Variants in PCDH15 observed in about 807,000 individuals in gnomAD.
PCDH15 encodes the protein protocadherin-15.
A neutral mutation model predicts 178.5 loss-of-function variants in PCDH15; 129 were observed. That is an observed-to-expected ratio of 0.72 (90% CI 0.63 to 0.84). PCDH15 has a LOEUF of 0.84. Among genes scored for constraint, PCDH15 ranks in the 40% least tolerant of loss-of-function variants. The pLI is 0.00. For missense variants in PCDH15, 2,230 were observed against 2,099.9 expected (o/e 1.06, Z -1.21); for synonymous variants, 800 against 732.0 (o/e 1.09, Z -1.50).
intron 8 of PCDH15, among the ~76,000 whole-genome samples, chr10:54,296,237 C>A (rs1005759579): frequency 6.6e-6 from 1 of 151,260 alleles, no homozygotes; most frequent in Non-Finnish European, 1.5e-5. Context: ...TCTCTTACAA[C>A]CCCTGACTCT....
chr10:54,005,052 T>C (rs2092335910), intron 20 of PCDH15, among the ~76,000 whole-genome samples: 1 of 151,760 alleles, frequency 6.6e-6, no homozygotes, highest in South Asian at 2.1e-4. Context: ...GTGCCAGGAA[T>C]GTAACCAGGG....
intron 26 of PCDH15, among the ~76,000 whole-genome samples, chr10:53,889,659 A>G (rs186959541): frequency 1.1e-4 from 17 of 152,266 alleles, no homozygotes; most frequent in African/African-American, 3.4e-4. Flanking sequence ...ATTAAGTCTG[A>G]ACTTATGAAT....
At chr10:55,541,208 T>A (rs1246283748) in intron 2 of PCDH15, among the ~76,000 whole-genome samples, 1 of 152,022 alleles carries the variant, frequency 6.6e-6, no homozygotes, top group Non-Finnish European at 1.5e-5. Flanking sequence ...TTTGAATCAT[T>A]CTTCATGGAA....
intron 17 of PCDH15, among the ~76,000 whole-genome samples, chr10:54,070,781 G>T (rs2094226267): frequency 1.3e-5 from 2 of 151,814 alleles, no homozygotes; most frequent in South Asian, 4.1e-4. Flanking sequence ...TTTTATTTTT[G>T]TAGAGACAGA....
intron 1 of PCDH15, among the ~76,000 whole-genome samples, chr10:54,731,545 G>GATATATATATAT (rs1167781763): frequency 2.5e-5 from 2 of 80,256 alleles, no homozygotes; most frequent in African/African-American, 4.7e-5. Flanking sequence ...ATGTGAGATA[G>GATATATATATAT]ATATATATAT....
intron 2 of PCDH15, among the ~76,000 whole-genome samples, chr10:54,935,699 C>T (rs1246380080): frequency 6.6e-6 from 1 of 151,968 alleles, no homozygotes; most frequent in Admixed American, 6.6e-5. Flanking sequence ...TCCTTCGTAT[C>T]CCCTTCATAC....
rs78793621 is a variant in PCDH15 at position 54,746,985 on chromosome 10, G to T, written c.-29+53940C>A. 7.6e-3 allele frequency among the ~76,000 whole-genome samples: 1,150 copies of T among 152,172 alleles called. 11 individuals are homozygous for T. The highest frequency in any genetic ancestry group is 0.026 in the African/African-American group (1,067 of 41,510). On this transcript the variant is annotated intron_variant, in intron 1 of 37. Coordinates refer to ENST00000644397, the MANE Select transcript of PCDH15 (RefSeq NM_001384140.1). ...ACTTACAATATTTTCAACTTACAAT[G>T]GTTTTATAAGGTGTAACACCACTGT... is the stretch of plus-strand genomic sequence containing the variant.
chr10:55,290,375 A>C (rs1842978512), intron 1 of PCDH15, among the ~76,000 whole-genome samples: 1 of 152,124 alleles, frequency 6.6e-6, no homozygotes, highest in African/African-American at 2.4e-5. Context: ...TGCTATTGAC[A>C]ATAAAGGTAT....
At chr10:54,917,195 G>A (rs2131840307) in intron 2 of PCDH15, among the ~76,000 whole-genome samples, 1 of 152,196 alleles carries the variant, frequency 6.6e-6, no homozygotes, top group Admixed American at 6.5e-5. Context: ...AGATTTGTGT[G>A]GTGGGTAATA....
intron 2 of PCDH15, among the ~76,000 whole-genome samples, chr10:54,558,170 C>A (rs142206774): frequency 6.6e-6 from 1 of 152,062 alleles, no homozygotes; most frequent in Non-Finnish European, 1.5e-5. Context: ...TATTATTTAT[C>A]CTCCAGCTTA....
chr10:55,350,266 T>TAC (rs1478918888), intron 2 of PCDH15, among the ~76,000 whole-genome samples: 8 of 58,990 alleles, frequency 1.4e-4, no homozygotes, highest in South Asian at 1.1e-3. Flanking sequence ...TATATATATA[T>TAC]ATACACACAC....
intron 17 of PCDH15, 60 bp downstream of exon 17, chr10:54,079,271 A>G (rs1013994510): frequency 1.9e-5 from 27 of 1,435,880 alleles, no homozygotes; most frequent in Non-Finnish European, 2.5e-5. Context: ...TACATTGTTT[A>G]AGACTCTCTC....
intron 15 of PCDH15, among the ~76,000 whole-genome samples, chr10:54,106,162 T>C (rs1230711005): frequency 6.6e-6 from 1 of 152,168 alleles, no homozygotes; most frequent in Non-Finnish European, 1.5e-5. Context: ...GCTTTTTTTA[T>C]GGTGTGATAC....
chr10:54,297,037 G>A (rs569391265), intron 8 of PCDH15, among the ~76,000 whole-genome samples: 58 of 152,212 alleles, frequency 3.8e-4, no homozygotes, highest in Non-Finnish European at 6.9e-4. Flanking sequence ...GTTGGTGAGC[G>A]CAACTATTCC....
At chr10:54,416,965 G>A (rs1954508919) in intron 3 of PCDH15, among the ~76,000 whole-genome samples, 1 of 151,868 alleles carries the variant, frequency 6.6e-6, no homozygotes, top group South Asian at 2.1e-4. Flanking sequence ...CTTTTTGATG[G>A]GGTTGTTTTT....
intron 2 of PCDH15, among the ~76,000 whole-genome samples, chr10:55,531,027 T>TTGTC (rs79210502): frequency 0.2 from 30,910 of 151,804 alleles, 3,261 homozygotes; most frequent in Middle Eastern, 0.29. Flanking sequence ...GTTTGTTTGT[T>TTGTC]TGTTTCAGCA....
intron 15 of PCDH15, among the ~76,000 whole-genome samples, chr10:54,105,756 G>A (rs1260963297): frequency 6.6e-6 from 1 of 152,018 alleles, no homozygotes; most frequent in East Asian, 1.9e-4. Context: ...AACCATCACA[G>A]TATCATATAA....
chr10:54,764,255 AG>A (rs1382467747), intron 1 of PCDH15, among the ~76,000 whole-genome samples: 3 of 152,116 alleles, frequency 2.0e-5, no homozygotes, highest in African/African-American at 7.2e-5. Flanking sequence ...GCTAATTCAA[AG>A]TACAAGAACA....
At chr10:54,007,886 A>G (rs2092438283) in intron 20 of PCDH15, among the ~76,000 whole-genome samples, 1 of 152,204 alleles carries the variant, frequency 6.6e-6, no homozygotes, top group Non-Finnish European at 1.5e-5. Context: ...TTATGTTATC[A>G]ACAAAACAGC....
Sources: gnomAD v4.1 joint callset for allele counts (sites outside exome capture counted in the v4.1 genomes callset) on GRCh38, gnomAD v4.1.1 for gene constraint, MANE v1.5 for transcripts, NCBI Gene and HGNC (gene_info 2026-07-23, HGNC 2026-07-21) for gene names.